The following CMIP variants were observed in gnomAD, a reference collection of about 807,000 sequenced individuals.
CMIP encodes the protein c-Maf inducing protein.
A neutral mutation model predicts 97.3 loss-of-function variants in CMIP; 13 were observed. That is an observed-to-expected ratio of 0.13 (90% CI 0.09 to 0.21). The LOEUF is 0.21. CMIP is among the 10% of genes least tolerant of loss of function. The pLI, the probability that CMIP is intolerant of heterozygous loss-of-function variation, is 1.00. For synonymous variants in CMIP, 538 were observed against 436.3 expected, an observed-to-expected ratio of 1.23 and a Z score of -2.91; for missense variants, 847 against 1,024.9, an observed-to-expected ratio of 0.83 and a Z score of 2.37.
chr16:81,530,098 G>T (rs547165864), intron 1 of CMIP, among the ~76,000 whole-genome samples: 1 of 152,156 alleles, frequency 6.6e-6, no homozygotes, highest in Non-Finnish European at 1.5e-5. Flanking sequence ...TTTCAGTCAG[G>T]CCGCTATAAA....
intron 1 of CMIP, among the ~76,000 whole-genome samples, chr16:81,510,433 G>C (rs1210601229): frequency 1.3e-5 from 2 of 152,158 alleles, no homozygotes; most frequent in Admixed American, 1.3e-4. Flanking sequence ...ACTTGGTTTG[G>C]ATTAGTTTAA....
At chr16:81,460,609 C>A (rs1278670177) in intron 1 of CMIP, among the ~76,000 whole-genome samples, 1 of 152,164 alleles carries the variant, frequency 6.6e-6, no homozygotes, top group East Asian at 1.9e-4. Flanking sequence ...GCTGCCCATG[C>A]CTTAATATAT....
At chr16:81,654,267 T>C (rs1171776244) in intron 4 of CMIP, among the ~76,000 whole-genome samples, 1 of 146,056 alleles carries the variant, frequency 6.8e-6, no homozygotes, top group Non-Finnish European at 1.5e-5. Flanking sequence ...CAATGGGGTC[T>C]CACTGTGTTG....
At position 81,501,843 on chromosome 16, in the gene CMIP, C is replaced by T. The variant is rs2089619386; in HGVS notation, c.300+56302C>T. ...GCCAAGCTGGTCTCGAACTCCTGAC[C>T]TCAAGTGATCCGCCCACCTCGGCCT... On this transcript the variant is annotated intron_variant, in intron 1 of 20. Coordinates refer to ENST00000537098, the MANE Select transcript of CMIP (RefSeq NM_198390.3). Among the ~76,000 whole-genome samples, 3 of 152,140 alleles carry T rather than the reference C, an allele frequency of 2.0e-5. No individual in the cohort carries two copies. In the South Asian group the frequency reaches 6.2e-4, roughly 32 times the overall value.
At chr16:81,602,361 G>T (rs2091671855) in intron 1 of CMIP, among the ~76,000 whole-genome samples, 1 of 152,242 alleles carries the variant, frequency 6.6e-6, no homozygotes, top group Admixed American at 6.5e-5. Context: ...GAGTGGTCTT[G>T]ATTGGATTTT....
chr16:81,502,218 G>A (rs1432782091), intron 1 of CMIP, among the ~76,000 whole-genome samples: 2 of 152,240 alleles, frequency 1.3e-5, no homozygotes, highest in African/African-American at 2.4e-5. Context: ...GCTGACAGTT[G>A]CAGCATAACA....
intron 1 of CMIP, among the ~76,000 whole-genome samples, chr16:81,463,648 AC>A (rs1315759655): frequency 6.6e-6 from 1 of 152,118 alleles, no homozygotes; most frequent in East Asian, 1.9e-4. Context: ...TTTCTCAGGC[AC>A]CTATGATGTG....
intron 12 of CMIP, 105 bp downstream of exon 12, chr16:81,693,289 C>G: frequency 7.2e-7 from 1 of 1,393,158 alleles, no homozygotes; most frequent in Non-Finnish European, 1.0e-6. Context: ...GGTGGCTCCT[C>G]TTGGCAGTTC....
chr16:81,699,925 G>T (rs1907205467), intron 15 of CMIP, 124 bp downstream of exon 15: 1 of 634,378 alleles, frequency 1.6e-6, no homozygotes, highest in Middle Eastern at 4.0e-4. Context: ...GAGGCGTGCA[G>T]TCCCAGCCGT....
intron 1 of CMIP, among the ~76,000 whole-genome samples, chr16:81,512,032 T>G (rs2089821769): frequency 6.6e-6 from 1 of 152,270 alleles, no homozygotes; most frequent in Non-Finnish European, 1.5e-5. Context: ...ACTCATTTTT[T>G]GTATTGATTA....
intron 8 of CMIP, among the ~76,000 whole-genome samples, chr16:81,671,410 C>T (rs182226495): frequency 6.6e-6 from 1 of 152,288 alleles, no homozygotes; most frequent in African/African-American, 2.4e-5. Flanking sequence ...TAATTAGTGG[C>T]ACTTATTGAG....
In CMIP at chr16:81,555,246, G is replaced by T. The variant is rs559311848; in HGVS notation, c.301-52321G>T. 5.9e-5 allele frequency among the ~76,000 whole-genome samples: 9 copies of T among 152,180 alleles called. No individual in the cohort carries two copies. The South Asian group carries it at 6.2e-4, about 10-fold the overall frequency. On this transcript the variant is annotated intron_variant, in intron 1 of 20. Coordinates refer to ENST00000537098, the MANE Select transcript of CMIP (RefSeq NM_198390.3). Reference sequence around the variant, plus strand: ...CAGGCCTCATCCAGGGAGGGGAAACGTGATGGTGTGGTGCTGAGATAGATA... The same window carrying T: ...CAGGCCTCATCCAGGGAGGGGAAACTTGATGGTGTGGTGCTGAGATAGATA...
At chr16:81,598,556 C>G (rs180792356) in intron 1 of CMIP, among the ~76,000 whole-genome samples, 5 of 152,268 alleles carry the variant, frequency 3.3e-5, no homozygotes, top group Non-Finnish European at 7.4e-5. Flanking sequence ...TCAAATAAAA[C>G]ACAAGAGGGA....
intron 1 of CMIP, among the ~76,000 whole-genome samples, chr16:81,530,598 AGCTTTCCTCACC>A (rs1421255417): frequency 6.6e-6 from 1 of 151,860 alleles, no homozygotes; most frequent in African/African-American, 2.4e-5. Context: ...GCCTTTATTC[AGCTTTCCTCACC>A]GCTTCCCAAG....
intron 1 of CMIP, among the ~76,000 whole-genome samples, chr16:81,587,589 A>T (rs1459928553): frequency 6.6e-6 from 1 of 152,166 alleles, no homozygotes; most frequent in Non-Finnish European, 1.5e-5. Context: ...AAAAAACCAA[A>T]GGTGCTAGAG....
chr16:81,667,799 A>AGAGAGAGAGAGTGTGTGTGTGTGT, intron 7 of CMIP, among the ~76,000 whole-genome samples: 1 of 58,134 alleles, frequency 1.7e-5, no homozygotes, highest in South Asian at 8.0e-4. Flanking sequence ...AGAGAGAGAG[A>AGAGAGAGAGAGTGTGTGTGTGTGT]GTGTGTGTGT....
At position 81,670,117 on chromosome 16, in the gene CMIP, C is replaced by G. The variant is rs193207622; in HGVS notation, c.826-25C>G. On this transcript the variant is annotated intron_variant, in intron 7 of 20. Transcript: ENST00000537098. ...CCTGCCCTGCCTAGCACCGTCCCGA[C>G]TCCTGTCCTCTGCTGTCTCCACAGG... is the stretch of plus-strand genomic sequence containing the variant. The G allele has an allele frequency of 2.2e-5, 35 of 1,593,510 alleles. No individual in the cohort carries two copies. In the African/African-American group the frequency reaches 4.0e-4, roughly 18 times the overall value.
chr16:81,705,127 GAC>G (rs1907983033), intron 18 of CMIP, among the ~76,000 whole-genome samples: 1 of 152,090 alleles, frequency 6.6e-6, no homozygotes, highest in Admixed American at 6.5e-5. Context: ...AGAAACTGGG[GAC>G]AGTCCCTGCA....
chr16:81,457,477 C>G (rs992724758), intron 1 of CMIP, among the ~76,000 whole-genome samples: 2 of 152,184 alleles, frequency 1.3e-5, no homozygotes, highest in East Asian at 1.9e-4. Context: ...GTGCGTGTGG[C>G]ATAGGTACAC....
Sources: allele counts gnomAD v4.1 joint callset (sites outside exome capture counted in the v4.1 genomes callset), GRCh38; gene constraint gnomAD v4.1.1; transcripts MANE v1.5; gene names NCBI Gene and HGNC (gene_info 2026-07-23, HGNC 2026-07-21).